LRRN2: variants seen among roughly 807,000 people sequenced by gnomAD.
LRRN2 encodes leucine-rich repeat neuronal protein 2.
In LRRN2, 10 loss-of-function variants were observed where a neutral mutation model predicts 35.7. The ratio of observed to expected loss-of-function variants is 0.28; its 90% CI spans 0.17 to 0.47. The LOEUF (loss-of-function observed/expected upper bound fraction) is 0.47. Among genes scored for constraint, LRRN2 ranks in the 20% least tolerant of loss-of-function variants. The pLI, the probability that LRRN2 is intolerant of heterozygous loss-of-function variation, is 0.99. For synonymous variants in LRRN2, 391 were observed against 409.6 expected (o/e 0.95, Z 0.55); for missense variants, 731 against 940.3 (o/e 0.78, Z 2.91).
At chr1:204,652,266 C>A (rs1328425661) in intron 1 of LRRN2, among the ~76,000 whole-genome samples, 1 of 88,080 alleles carries the variant, frequency 1.1e-5, no homozygotes, top group African/African-American at 4.5e-5. Context: ...CACCGCCCCC[C>A]CCCCGCCCCC....
intron 1 of LRRN2, among the ~76,000 whole-genome samples, chr1:204,684,882 C>G (rs547508535): frequency 2.6e-5 from 4 of 152,342 alleles, no homozygotes; most frequent in African/African-American, 9.6e-5. Context: ...TGGAGCGCTT[C>G]CAGCCTGCCA....
At chr1:204,624,539 A>C (rs1270784305) in intron 1 of LRRN2, among the ~76,000 whole-genome samples, 1 of 152,204 alleles carries the variant, frequency 6.6e-6, no homozygotes, top group African/African-American at 2.4e-5. Flanking sequence ...GATTTAGCGG[A>C]AACTGTGGAA....
chr1:204,636,786 A>G (rs1336011929), intron 1 of LRRN2, among the ~76,000 whole-genome samples: 1 of 152,152 alleles, frequency 6.6e-6, no homozygotes, highest in Non-Finnish European at 1.5e-5. Flanking sequence ...AAAATAAAAT[A>G]TATTGATGCC....
At chr1:204,671,792 G>A (rs1007896215) in intron 1 of LRRN2, among the ~76,000 whole-genome samples, 2 of 152,024 alleles carry the variant, frequency 1.3e-5, no homozygotes, top group African/African-American at 4.8e-5. Flanking sequence ...CCTTGGACAA[G>A]CAAGCTGGGA....
intron 1 of LRRN2, among the ~76,000 whole-genome samples, chr1:204,633,720 C>T (rs2102595643): frequency 6.6e-6 from 1 of 152,362 alleles, no homozygotes; most frequent in South Asian, 2.1e-4. Flanking sequence ...TGTGCTCTAA[C>T]CCCGATCCCA....
chr1:204,623,013 C>T (rs1210948805), intron 1 of LRRN2, among the ~76,000 whole-genome samples: 1 of 152,172 alleles, frequency 6.6e-6, no homozygotes, highest in Non-Finnish European at 1.5e-5. Context: ...AGCTATAGGA[C>T]TTCTTAGGGG....
intron 1 of LRRN2, among the ~76,000 whole-genome samples, chr1:204,668,798 T>C (rs1571679718): frequency 1.3e-5 from 2 of 152,186 alleles, no homozygotes. Context: ...ATAATATATG[T>C]GAAAGAGTTT....
chr1:204,655,044 T>C (rs951052396), intron 1 of LRRN2, among the ~76,000 whole-genome samples: 1 of 152,200 alleles, frequency 6.6e-6, no homozygotes, highest in Non-Finnish European at 1.5e-5. Context: ...CTTTAATGGG[T>C]GCAAAAGACA....
chr1:204,652,705 G>A (rs184663163), intron 1 of LRRN2, among the ~76,000 whole-genome samples: 23 of 152,188 alleles, frequency 1.5e-4, no homozygotes, highest in Admixed American at 3.3e-4. Flanking sequence ...GCGTGCCCAC[G>A]AATCACCCAG....
At chr1:204,650,996 C>A (rs1668210635) in intron 1 of LRRN2, among the ~76,000 whole-genome samples, 2 of 152,146 alleles carry the variant, frequency 1.3e-5, no homozygotes, top group South Asian at 4.1e-4. Flanking sequence ...CGGTTATGAA[C>A]TTTAAGATTA....
At chr1:204,639,626 G>A (rs574988355) in intron 1 of LRRN2, among the ~76,000 whole-genome samples, 1 of 152,176 alleles carries the variant, frequency 6.6e-6, no homozygotes, top group Non-Finnish European at 1.5e-5. Flanking sequence ...GGTGACAGAA[G>A]GCACTGTCTC....
At chr1:204,676,750 A>G (rs891408608) in intron 1 of LRRN2, among the ~76,000 whole-genome samples, 2 of 152,176 alleles carry the variant, frequency 1.3e-5, no homozygotes, top group Admixed American at 6.5e-5. Context: ...GGAGAACCCT[A>G]TTCTCTAGAG....
At chr1:204,673,535 C>T (rs1396802703) in intron 1 of LRRN2, among the ~76,000 whole-genome samples, 6 of 152,206 alleles carry the variant, frequency 3.9e-5, no homozygotes, top group Admixed American at 6.5e-5. Flanking sequence ...ATCCAACTTT[C>T]AAGAAGGTGC....
At chr1:204,668,529 A>C (rs1417105017) in intron 1 of LRRN2, among the ~76,000 whole-genome samples, 1 of 152,156 alleles carries the variant, frequency 6.6e-6, no homozygotes, top group Non-Finnish European at 1.5e-5. Flanking sequence ...CGGGAGGCAG[A>C]GGTTGCAGTG....
chr1:204,642,557 A>C (rs1282411825), intron 1 of LRRN2, among the ~76,000 whole-genome samples: 1 of 151,950 alleles, frequency 6.6e-6, no homozygotes, highest in Non-Finnish European at 1.5e-5. Context: ...TCTTTGCCAA[A>C]CTTTCAAACA....
At chr1:204,628,371 C>T (rs111271672) in intron 1 of LRRN2, 1,695 of 152,268 alleles carry the variant, frequency 0.011, 41 homozygotes, top group African/African-American at 0.038. Flanking sequence ...AGAGACGGCG[C>T]GGCACCAGAG....
chr1:204,641,653 G>A (rs1156559493), intron 1 of LRRN2, among the ~76,000 whole-genome samples: 2 of 152,334 alleles, frequency 1.3e-5, no homozygotes, highest in Middle Eastern at 3.4e-3. Flanking sequence ...CAACTGATCT[G>A]AGGTCACACA....
intron 1 of LRRN2, chr1:204,663,762 T>C (rs765321950): frequency 2.6e-5 from 4 of 152,162 alleles, no homozygotes; most frequent in African/African-American, 4.8e-5. Flanking sequence ...CTGCCTTCCA[T>C]TACCTCACTA....
At chr1:204,670,014 T>TTG (rs1553350370) in intron 1 of LRRN2, among the ~76,000 whole-genome samples, 105 of 152,178 alleles carry the variant, frequency 6.9e-4, no homozygotes, top group Middle Eastern at 6.8e-3. Flanking sequence ...TCGTTTTTTT[T>TTG]TTTGTTTGTT....
Sources: allele counts gnomAD v4.1 joint callset (sites outside exome capture counted in the v4.1 genomes callset), GRCh38; gene constraint gnomAD v4.1.1; transcripts MANE v1.5; gene names NCBI Gene and HGNC (gene_info 2026-07-23, HGNC 2026-07-21).